PDE4D: variants seen among roughly 807,000 people sequenced by gnomAD.
The protein encoded by PDE4D is 3',5'-cyclic-AMP phosphodiesterase 4D.
A neutral mutation model predicts 87.4 loss-of-function variants in PDE4D; 24 were observed. The ratio of observed to expected loss-of-function variants is 0.27; its 90% CI spans 0.20 to 0.39. The LOEUF is 0.39. Among genes scored for constraint, PDE4D ranks in the 10% least tolerant of loss-of-function variants. PDE4D has a pLI of 1.00. For missense variants in PDE4D, 714 were observed against 1,041.0 expected (o/e 0.69, Z 4.32); for synonymous variants, 384 against 383.2 (o/e 1.00, Z -0.02).
intron 1 of PDE4D, among the ~76,000 whole-genome samples, chr5:59,579,329 A>C (rs1200528983): frequency 1.3e-5 from 2 of 152,144 alleles, no homozygotes; most frequent in Non-Finnish European, 2.9e-5. Flanking sequence ...TAAATAACTC[A>C]GTGTGTTCCA....
At chr5:59,723,890 GGAAA>G (rs1054965619) in intron 1 of PDE4D, among the ~76,000 whole-genome samples, 5 of 152,062 alleles carry the variant, frequency 3.3e-5, no homozygotes, top group African/African-American at 1.2e-4. Flanking sequence ...TCCCAAAAAG[GGAAA>G]GAGAGATTAA....
At chr5:59,483,078 C>A (rs1309995846) in intron 1 of PDE4D, among the ~76,000 whole-genome samples, 1 of 152,144 alleles carries the variant, frequency 6.6e-6, no homozygotes, top group Non-Finnish European at 1.5e-5. Context: ...ATTCCTCCTG[C>A]CTGCCTGAGC....
At position 60,045,844 on chromosome 5, in the gene PDE4D, G is replaced by A. The variant is rs536340270; in HGVS notation, c.43-57127C>T. Among the ~76,000 whole-genome samples the A allele has an allele frequency of 1.8e-3, 279 of 152,150 alleles. 1 individual carries two copies. Among genetic ancestry groups the A allele is most frequent in the Non-Finnish European group, 3.0e-3 (207 of 68,002 alleles). On this transcript the variant is annotated intron_variant, in intron 2 of 16. Coordinates refer to the PDE4D transcript ENST00000502484. ...TGGCTTAGGATTGACTTGGTGATGCGGGCTCTTTTATGGTTCCATATGAGC... is the reference window on the plus strand; with the variant it reads ...TGGCTTAGGATTGACTTGGTGATGCAGGCTCTTTTATGGTTCCATATGAGC...
intron 1 of PDE4D, among the ~76,000 whole-genome samples, chr5:59,687,086 A>T (rs1429026960): frequency 6.6e-6 from 1 of 152,186 alleles, no homozygotes; most frequent in Non-Finnish European, 1.5e-5. Flanking sequence ...CTGTAATTGA[A>T]AAACAAGAAA....
At chr5:60,316,840 A>T (rs1188808352) in intron 1 of PDE4D, among the ~76,000 whole-genome samples, 1 of 152,152 alleles carries the variant, frequency 6.6e-6, no homozygotes, top group Non-Finnish European at 1.5e-5. Flanking sequence ...GATGAAGCAG[A>T]CTTGATCATG....
intron 1 of PDE4D, among the ~76,000 whole-genome samples, chr5:60,205,228 G>T (rs1194150701): frequency 6.6e-6 from 1 of 152,096 alleles, no homozygotes; most frequent in Non-Finnish European, 1.5e-5. Flanking sequence ...CCACACTCAG[G>T]CTCTGTCTTC....
intron 1 of PDE4D, among the ~76,000 whole-genome samples, chr5:59,399,150 T>C (rs1298422343): frequency 7.4e-6 from 1 of 135,312 alleles, no homozygotes; most frequent in Non-Finnish European, 1.7e-5. Context: ...AAAATGGCCA[T>C]ATTGCCCAAG....
intron 5 of PDE4D, among the ~76,000 whole-genome samples, chr5:59,158,462 G>A (rs1334866185): frequency 6.6e-6 from 1 of 152,204 alleles, no homozygotes; most frequent in Non-Finnish European, 1.5e-5. Flanking sequence ...AGGATGACTA[G>A]ATAGGAGTGC....
chr5:59,589,681 A>G (rs1251495923), intron 1 of PDE4D, among the ~76,000 whole-genome samples: 2 of 152,202 alleles, frequency 1.3e-5, no homozygotes, highest in African/African-American at 2.4e-5. Flanking sequence ...TAGGATAGTA[A>G]GAATACCTCT....
chr5:59,836,639 T>TATCTATC (rs975669186), intron 1 of PDE4D, among the ~76,000 whole-genome samples: 8 of 150,524 alleles, frequency 5.3e-5, no homozygotes, highest in African/African-American at 2.0e-4. Flanking sequence ...TCTATCTATC[T>TATCTATC]ATCTATCTAT....
intron 1 of PDE4D, among the ~76,000 whole-genome samples, chr5:59,842,939 T>C (rs1195816684): frequency 6.6e-6 from 1 of 152,058 alleles, no homozygotes; most frequent in East Asian, 1.9e-4. Flanking sequence ...ATGGCTACAC[T>C]GGCCAAATAG....
At position 59,056,441 on chromosome 5, in the gene PDE4D, G is replaced by GT. The variant is rs1390867574; in HGVS notation, c.809-17471dup. ...TTTTTTTGTTTGTTTGTTTTCTTGTGTTTTTTTTTACTTTAAGTTCTGGGA... is the reference window on the plus strand; with the variant it reads ...TTTTTTTGTTTGTTTGTTTTCTTGTGTTTTTTTTTTACTTTAAGTTCTGGGA... On this transcript the variant is annotated intron_variant, in intron 5 of 14. Transcript: ENST00000340635. 9.8e-4 allele frequency among the ~76,000 whole-genome samples: 148 copies of GT among 151,344 alleles called. 1 individual carries two copies. The highest frequency in any genetic ancestry group is 2.9e-3 in the African/African-American group (120 of 41,254).
intron 3 of PDE4D, among the ~76,000 whole-genome samples, chr5:59,188,004 A>G (rs914275959): frequency 6.6e-6 from 1 of 152,126 alleles, no homozygotes; most frequent in Non-Finnish European, 1.5e-5. Flanking sequence ...TGCAGGGCAC[A>G]AAGAGGGAGC....
intron 1 of PDE4D, among the ~76,000 whole-genome samples, chr5:59,435,414 A>C (rs1044202315): frequency 6.6e-6 from 1 of 152,160 alleles, no homozygotes; most frequent in Non-Finnish European, 1.5e-5. Context: ...TCCTGTACAC[A>C]GTCTGTTCTT....
Position 59,759,409 on chromosome 5 carries a change from CTT to C in PDE4D, c.455+133757_455+133758del, listed in dbSNP as rs375644353. Among the ~76,000 whole-genome samples, 636 of 152,300 alleles carry C rather than the reference CTT, an allele frequency of 4.2e-3. 3 individuals are homozygous for C. The highest frequency in any genetic ancestry group is 6.4e-3 in the Non-Finnish European group (438 of 68,020). On this transcript the variant is annotated intron_variant, in intron 1 of 14. Transcript: ENST00000340635. ...CAGCTCGTACGAACAGGCTTCACATCTTTTCTCTTTAAGATAAATGTCAATGG... is the reference window on the plus strand; with the variant it reads ...CAGCTCGTACGAACAGGCTTCACATCTTCTCTTTAAGATAAATGTCAATGG...
chr5:59,220,254 T>C (rs1752200288), intron 1 of PDE4D, among the ~76,000 whole-genome samples: 1 of 151,674 alleles, frequency 6.6e-6, no homozygotes, highest in South Asian at 2.1e-4. Flanking sequence ...CAGTAGCTCA[T>C]GCCTGTAATC....
At chr5:59,884,048 T>C (rs1749825856) in intron 1 of PDE4D, among the ~76,000 whole-genome samples, 1 of 152,052 alleles carries the variant, frequency 6.6e-6, no homozygotes, top group South Asian at 2.1e-4. Flanking sequence ...AAACAACACA[T>C]GCTCATTTTA....
intron 1 of PDE4D, among the ~76,000 whole-genome samples, chr5:60,197,683 G>A (rs1741430156): frequency 6.6e-6 from 1 of 151,500 alleles, no homozygotes; most frequent in Non-Finnish European, 1.5e-5. Context: ...ATTAACAAGT[G>A]CTACCCAAGG....
chr5:59,846,773 TAG>T (rs376680481), intron 1 of PDE4D, among the ~76,000 whole-genome samples: 1 of 151,936 alleles, frequency 6.6e-6, no homozygotes, highest in Non-Finnish European at 1.5e-5. Flanking sequence ...CCCAGTGAAT[TAG>T]AGTCACCTAA....
Sources: allele counts gnomAD v4.1 joint callset (sites outside exome capture counted in the v4.1 genomes callset), GRCh38; gene constraint gnomAD v4.1.1; transcripts MANE v1.5; gene names NCBI Gene and HGNC (gene_info 2026-07-23, HGNC 2026-07-21).